ITGA11: variants seen among roughly 807,000 people sequenced by gnomAD.
ITGA11 encodes the protein integrin alpha-11.
ITGA11 carries 97 observed loss-of-function variants against 141.9 expected under a neutral mutation model. The ratio of observed to expected loss-of-function variants is 0.68; its 90% confidence interval spans 0.58 to 0.81. The LOEUF (loss-of-function observed/expected upper bound fraction) is 0.81, where lower values mean the gene tolerates loss of function less well. Ranked by LOEUF, ITGA11 falls within the 30% of genes least tolerant of loss-of-function variation. The probability of loss-of-function intolerance (pLI) is 0.00; values close to 1 mark genes in which losing one functional copy is unlikely to be tolerated. For synonymous variants in ITGA11, 658 were observed against 624.6 expected (o/e 1.05, Z -0.80); for missense variants, 1,387 against 1,559.2 (o/e 0.89, Z 1.86).
chr15:68,330,194 G>T (rs1254103867), intron 15 of ITGA11, among the ~76,000 whole-genome samples: 2 of 152,166 alleles, frequency 1.3e-5, no homozygotes, highest in African/African-American at 4.8e-5. Flanking sequence ...TTCCCCCTTG[G>T]GTTGTAGTAT....
chr15:68,342,629 G>A (rs1451087330), intron 10 of ITGA11, among the ~76,000 whole-genome samples: 2 of 152,214 alleles, frequency 1.3e-5, no homozygotes, highest in Non-Finnish European at 2.9e-5. Context: ...TCAAAGCCCT[G>A]TGTTCCGGCC....
intron 2 of ITGA11, among the ~76,000 whole-genome samples, chr15:68,391,205 C>T (rs1201721043): frequency 2.0e-5 from 3 of 152,128 alleles, no homozygotes; most frequent in Non-Finnish European, 4.4e-5. Context: ...GCTCAGCTCT[C>T]GGGGTCCCCA....
chr15:68,368,510 AGGCTGGGG>A, intron 3 of ITGA11, among the ~76,000 whole-genome samples: 1 of 152,226 alleles, frequency 6.6e-6, no homozygotes, highest in Non-Finnish European at 1.5e-5. Flanking sequence ...AGGGCTTCGG[AGGCTGGGG>A]GCTGTTCACA....
At position 68,297,833 on chromosome 15, in the gene ITGA11, C is replaced by T. The variant is rs1892942642; in HGVS notation, c.*5226G>A. Reference sequence around the variant, plus strand: ...TGGCCATTCCAGCCTCTATAGAGATCTGAAAAAAACATTTAGTGCCACCCT... The same window carrying T: ...TGGCCATTCCAGCCTCTATAGAGATTTGAAAAAAACATTTAGTGCCACCCT... On this transcript the variant is annotated 3_prime_UTR_variant, in exon 30 of 30. Coordinates refer to ENST00000315757, the MANE Select transcript of ITGA11 (RefSeq NM_001004439.2). 1 of 152,040 alleles carries T rather than the reference C, an allele frequency of 6.6e-6. No individual in the cohort carries two copies. The highest frequency in any genetic ancestry group is 2.4e-5 in the African/African-American group (1 of 41,376). 9.4% of individuals were successfully genotyped at this position (152,040 alleles called of 1,614,324 possible). A position where few individuals can be genotyped will look rare whatever the true frequency, so the allele number is the denominator to read the frequency against.
intron 15 of ITGA11, among the ~76,000 whole-genome samples, chr15:68,330,486 CTTT>C (rs34407903): frequency 2.1e-5 from 3 of 140,952 alleles, no homozygotes; most frequent in African/African-American, 5.2e-5. Context: ...TACTCAAGGT[CTTT>C]TTTTTTTTTT....
chr15:68,390,108 G>A (rs1315005491), intron 2 of ITGA11, among the ~76,000 whole-genome samples: 2 of 152,210 alleles, frequency 1.3e-5, no homozygotes, highest in South Asian at 2.1e-4. Context: ...GTGTGTCTGC[G>A]AGTGTTGTTA....
intron 2 of ITGA11, among the ~76,000 whole-genome samples, chr15:68,384,849 T>C (rs999940423): frequency 6.6e-6 from 1 of 151,552 alleles, no homozygotes; most frequent in African/African-American, 2.4e-5. Context: ...TCAGAAAGGC[T>C]TCCACAGCAA....
chr15:68,407,568 A>G (rs1896676702), intron 1 of ITGA11, among the ~76,000 whole-genome samples: 1 of 152,158 alleles, frequency 6.6e-6, no homozygotes, highest in Non-Finnish European at 1.5e-5. Context: ...ATGGGAATGA[A>G]CAGGCTGATT....
chr15:68,430,254 A>G (rs1193667441), intron 1 of ITGA11, among the ~76,000 whole-genome samples: 1 of 152,084 alleles, frequency 6.6e-6, no homozygotes, highest in Non-Finnish European at 1.5e-5. Context: ...TTGAGTAGCA[A>G]CAACATTAAC....
chr15:68,357,946 T>TA (rs2140342541), intron 6 of ITGA11, among the ~76,000 whole-genome samples: 1 of 152,340 alleles, frequency 6.6e-6, no homozygotes, highest in South Asian at 2.1e-4. Flanking sequence ...CCCTAATCGT[T>TA]ACAAATAATT....
chr15:68,409,303 A>G (rs570774789), intron 1 of ITGA11, among the ~76,000 whole-genome samples: 1 of 152,146 alleles, frequency 6.6e-6, no homozygotes, highest in South Asian at 2.1e-4. Flanking sequence ...CTTAGGTTAT[A>G]TGCTATTCAA....
intron 10 of ITGA11, among the ~76,000 whole-genome samples, chr15:68,348,401 G>T (rs144151954): frequency 6.6e-6 from 1 of 152,218 alleles, no homozygotes; most frequent in Non-Finnish European, 1.5e-5. Context: ...TCCAAAGCAC[G>T]TGCCATTGGC....
chr15:68,342,327 C>T (rs1458517204), intron 10 of ITGA11, among the ~76,000 whole-genome samples: 1 of 152,204 alleles, frequency 6.6e-6, no homozygotes, highest in Admixed American at 6.5e-5. Flanking sequence ...TGGGCTCCCA[C>T]CAGATATTAC....
chr15:68,302,792 A>G lies in ITGA11; in HGVS notation c.*267T>C, dbSNP rs10851784. On this transcript the variant is annotated 3_prime_UTR_variant, in exon 30 of 30. Transcript: ENST00000315757. ...CACAGAGCCTGAGGGAGGCCTTGGC[A>G]TGGGCCTGGGTGTGTGTAGGGGTGT... 0.92 allele frequency: 364,566 copies of G among 396,112 alleles called. 168,016 individuals are homozygous for G. Among genetic ancestry groups the G allele is most frequent in the East Asian group, 1 (23,126 of 23,138 alleles). The allele number at this position is 396,112 out of a possible 1,614,324, so 24.5% of individuals were successfully genotyped here.
At position 68,326,364 on chromosome 15, in the gene ITGA11, C is replaced by T. The variant is rs1169142098; in HGVS notation, c.2211+290G>A. Among the ~76,000 whole-genome samples the T allele has an allele frequency of 2.0e-5, 3 of 152,194 alleles. No individual in the cohort carries two copies. The highest frequency in any genetic ancestry group is 2.9e-5 in the Non-Finnish European group (2 of 68,044). On this transcript the variant is annotated intron_variant, in intron 17 of 29. Coordinates refer to ENST00000315757, the MANE Select transcript of ITGA11 (RefSeq NM_001004439.2). This position sits in a 1 kb window ranked among gnomAD's most constrained non-coding sequence, Gnocchi z 6.8. ...CCTTTGGGGCTGTGCCCCCCACCAG[C>T]TGCTCCTAGTTCTCTCTGCTGGACC...
chr15:68,355,553 C>T (rs1358598907), intron 7 of ITGA11, among the ~76,000 whole-genome samples: 1 of 151,336 alleles, frequency 6.6e-6, no homozygotes, highest in Non-Finnish European at 1.5e-5. Flanking sequence ...CTCAAGTGAT[C>T]CTCCCACCTC....
intron 2 of ITGA11, among the ~76,000 whole-genome samples, chr15:68,382,693 T>C (rs1895892257): frequency 6.6e-6 from 1 of 152,236 alleles, no homozygotes; most frequent in African/African-American, 2.4e-5. Flanking sequence ...ATCTCATCTT[T>C]CTTCTTTCCT....
chr15:68,331,031 ATCCTCAT>A lies in ITGA11; in HGVS notation c.1844_1850del (p.Asn615MetfsTer15). The A allele has an allele frequency of 2.5e-6, 4 of 1,613,542 alleles. No individual in the cohort carries two copies. The highest frequency in any genetic ancestry group is 3.4e-6 in the Non-Finnish European group (4 of 1,179,746). ...CTCCCACTGCCAGGTCGATGAGCCC[ATCCTCAT>A]TGAGGTCCAATTGCCCGTGGATGCT... On this transcript the variant is annotated frameshift_variant, in exon 15 of 30. Coordinates refer to ENST00000315757, the MANE Select transcript of ITGA11 (RefSeq NM_001004439.2). LOFTEE classifies it high-confidence loss of function.
chr15:68,390,522 G>C (rs1269221035), intron 2 of ITGA11, among the ~76,000 whole-genome samples: 2 of 152,080 alleles, frequency 1.3e-5, no homozygotes, highest in Non-Finnish European at 2.9e-5. Context: ...GAGTCCCCTG[G>C]GAAACTCTTT....
Sources: gnomAD v4.1 joint callset for allele counts (sites outside exome capture counted in the v4.1 genomes callset) on GRCh38, gnomAD v4.1.1 for gene constraint, Gnocchi (gnomAD v3.1) non-coding constraint, MANE v1.5 for transcripts, NCBI Gene and HGNC (gene_info 2026-07-23, HGNC 2026-07-21) for gene names.